Variants in TBC1D4 observed in about 807,000 individuals in gnomAD.
TBC1D4 encodes TBC (Tre-2, BUB2, CDC16) domain-containing protein.
In TBC1D4, 121 loss-of-function variants were observed where a neutral mutation model predicts 142.5. The ratio of observed to expected loss-of-function variants is 0.85; its 90% CI spans 0.73 to 0.99. The LOEUF (loss-of-function observed/expected upper bound fraction) is 0.99. TBC1D4 is among the 50% of genes least tolerant of loss of function. The probability of loss-of-function intolerance (pLI) is 0.00; values close to 1 mark genes in which losing one functional copy is unlikely to be tolerated. For synonymous variants in TBC1D4, 630 were observed against 628.2 expected (o/e 1.00, Z -0.04); for missense variants, 1,475 against 1,606.6 (o/e 0.92, Z 1.40).
At chr13:75,334,878 TA>T (rs1329959543) in intron 8 of TBC1D4, among the ~76,000 whole-genome samples, 1 of 152,198 alleles carries the variant, frequency 6.6e-6, no homozygotes, top group African/African-American at 2.4e-5. Flanking sequence ...GGGTTCATTC[TA>T]ATTTCTACCC....
At chr13:75,385,618 T>C (rs1884122340) in intron 1 of TBC1D4, among the ~76,000 whole-genome samples, 1 of 152,258 alleles carries the variant, frequency 6.6e-6, no homozygotes, top group Non-Finnish European at 1.5e-5. Context: ...TTGCAAATAA[T>C]ATTTGCTATG....
At chr13:75,333,398 A>G (rs1879922982) in intron 8 of TBC1D4, among the ~76,000 whole-genome samples, 1 of 152,230 alleles carries the variant, frequency 6.6e-6, no homozygotes, top group Non-Finnish European at 1.5e-5. Context: ...CAGAAAAAAT[A>G]AATTTAAAAA....
At chr13:75,447,133 T>G (rs531187617) in intron 1 of TBC1D4, among the ~76,000 whole-genome samples, 6 of 152,296 alleles carry the variant, frequency 3.9e-5, no homozygotes, top group African/African-American at 1.4e-4. Flanking sequence ...GTCGGTGGAC[T>G]TGATGGGTGA....
chr13:75,378,706 T>C (rs1294746227), intron 1 of TBC1D4, among the ~76,000 whole-genome samples: 2 of 152,088 alleles, frequency 1.3e-5, no homozygotes, highest in African/African-American at 2.4e-5. Flanking sequence ...ACTGTGAAAA[T>C]AAATTGGTCT....
chr13:75,343,495 C>T (rs144559828), intron 5 of TBC1D4, among the ~76,000 whole-genome samples: 5 of 150,770 alleles, frequency 3.3e-5, no homozygotes, highest in Non-Finnish European at 5.9e-5. Flanking sequence ...ACACCACTCA[C>T]TATCACAGTT....
At chr13:75,455,901 A>G (rs976996814) in intron 1 of TBC1D4, among the ~76,000 whole-genome samples, 9 of 152,164 alleles carry the variant, frequency 5.9e-5, no homozygotes, top group African/African-American at 2.2e-4. Context: ...TAACAAAAAT[A>G]TTAACCAATC....
chr13:75,307,055 C>T (rs1877256091), intron 14 of TBC1D4, among the ~76,000 whole-genome samples: 1 of 152,212 alleles, frequency 6.6e-6, no homozygotes, highest in Non-Finnish European at 1.5e-5. Context: ...ACTGCAGCCT[C>T]AACCTCCTGA....
chr13:75,432,328 A>T (rs1045858355), intron 1 of TBC1D4, among the ~76,000 whole-genome samples: 2 of 152,202 alleles, frequency 1.3e-5, no homozygotes, highest in Non-Finnish European at 2.9e-5. Flanking sequence ...ACCTCGTGAG[A>T]CTATGACTAA....
intron 18 of TBC1D4, 126 bp from the exon 19 acceptor site, chr13:75,292,397 G>A (rs1265287996): frequency 2.7e-6 from 2 of 734,374 alleles, no homozygotes; most frequent in African/African-American, 3.6e-5. Flanking sequence ...CTGGTCAAAA[G>A]CATCTAGCTT....
rs376018357 is a variant in TBC1D4 at position 75,350,739 on chromosome 13, T to C, written c.1276-1437A>G. Among the ~76,000 whole-genome samples the C allele has an allele frequency of 5.3e-5, 8 of 152,324 alleles. No individual in the cohort carries two copies. In the East Asian group the frequency reaches 9.6e-4, roughly 18 times the overall value. On this transcript the variant is annotated intron_variant, in intron 4 of 20. Coordinates refer to ENST00000377636, the MANE Select transcript of TBC1D4 (RefSeq NM_014832.5). ...ATTTCCATATAAGTTATTCATCATT[T>C]AATAATACCGCCTTGTAAAAGGTAT... is the stretch of plus-strand genomic sequence containing the variant.
chr13:75,341,339 T>C, intron 6 of TBC1D4, 104 bp from the exon 7 acceptor site: 1 of 1,337,330 alleles, frequency 7.5e-7, no homozygotes, highest in Non-Finnish European at 1.1e-6. Context: ...TTAACTTCGC[T>C]CAGAAGCAAA....
intron 1 of TBC1D4, among the ~76,000 whole-genome samples, chr13:75,455,886 T>C (rs963871640): frequency 1.3e-5 from 2 of 152,186 alleles, no homozygotes; most frequent in African/African-American, 4.8e-5. Context: ...TCTGATACCC[T>C]GCTTTAACAA....
chr13:75,348,208 C>T (rs1439379068), intron 5 of TBC1D4, among the ~76,000 whole-genome samples: 3 of 152,134 alleles, frequency 2.0e-5, no homozygotes, highest in Admixed American at 6.5e-5. Flanking sequence ...TCAACGAATA[C>T]TGTTATTCAT....
chr13:75,349,326 G>T, intron 4 of TBC1D4, 24 bp from the exon 5 acceptor site: 1 of 1,613,048 alleles, frequency 6.2e-7, no homozygotes, highest in Non-Finnish European at 8.5e-7. Flanking sequence ...CAAAACTCAG[G>T]TCTATAAAAG....
chr13:75,479,384 G>A (rs920267059), intron 1 of TBC1D4, among the ~76,000 whole-genome samples: 1 of 152,080 alleles, frequency 6.6e-6, no homozygotes, highest in African/African-American at 2.4e-5. Flanking sequence ...TGCTCCCACT[G>A]GACTAAAAGG....
At chr13:75,410,302 T>A (rs2138394772) in intron 1 of TBC1D4, among the ~76,000 whole-genome samples, 1 of 152,238 alleles carries the variant, frequency 6.6e-6, no homozygotes, top group South Asian at 2.1e-4. Context: ...CCCAAGCCCA[T>A]CTCCACACAC....
chr13:75,351,476 A>T (rs1028163426), intron 4 of TBC1D4, among the ~76,000 whole-genome samples: 2 of 152,078 alleles, frequency 1.3e-5, no homozygotes, highest in East Asian at 3.9e-4. Flanking sequence ...CGTGCAGGTT[A>T]GTTACATATG....
In TBC1D4 at chr13:75,288,436, G is replaced by A. The variant is rs543223418; in HGVS notation, c.3663+498C>T. 5.9e-5 allele frequency among the ~76,000 whole-genome samples: 9 copies of A among 152,200 alleles called. No individual in the cohort carries two copies. The South Asian group carries it at 1.9e-3, about 32-fold the overall frequency. ...TGGCTTGACACTGAAAGTCACTTAC[G>A]ATTCTGCCTCTATCATATTTACCCT... On this transcript the variant is annotated intron_variant, in intron 20 of 20. Transcript: ENST00000377636.
At chr13:75,376,375 ATTTTTTT>A (rs71701755) in intron 1 of TBC1D4, among the ~76,000 whole-genome samples, 5 of 128,448 alleles carry the variant, frequency 3.9e-5, no homozygotes, top group Non-Finnish European at 6.9e-5. Context: ...TTCTGGTGAC[ATTTTTTT>A]TTTTTTTTTT....
Sources: gnomAD v4.1 joint callset for allele counts (sites outside exome capture counted in the v4.1 genomes callset) on GRCh38, gnomAD v4.1.1 for gene constraint, MANE v1.5 for transcripts, NCBI Gene and HGNC (gene_info 2026-07-23, HGNC 2026-07-21) for gene names.